Variants in POLN observed in about 807,000 individuals in gnomAD.
POLN encodes DNA polymerase N.
In POLN, 108 loss-of-function variants were observed where a neutral mutation model predicts 113.5. That is an observed-to-expected ratio of 0.95 (90% confidence interval 0.81 to 1.12). The LOEUF is 1.12. Among genes scored for constraint, POLN ranks in the 50% most tolerant of loss-of-function variants. POLN has a pLI of 0.00. For synonymous variants in POLN, 386 were observed against 391.5 expected (o/e 0.99, Z 0.17); for missense variants, 1,097 against 1,077.1 (o/e 1.02, Z -0.26).
chr4:2,162,633 T>G (rs1732628529), intron 13 of POLN, among the ~76,000 whole-genome samples: 1 of 152,110 alleles, frequency 6.6e-6, no homozygotes, highest in South Asian at 2.1e-4. Context: ...ATTTTTTTGT[T>G]TTTTGTAGGG....
At chr4:2,238,704 T>G (rs1489514800) in intron 2 of POLN, 2 of 1,613,308 alleles carry the variant, frequency 1.2e-6, no homozygotes, top group African/African-American at 2.7e-5. Flanking sequence ...TAGAGCATCA[T>G]GTTACTTTGA....
intron 3 of POLN, among the ~76,000 whole-genome samples, chr4:2,219,740 T>C (rs1475569873): frequency 6.6e-6 from 1 of 152,126 alleles, no homozygotes; most frequent in Non-Finnish European, 1.5e-5. Flanking sequence ...CATGTCCACC[T>C]CTCCTGGCTT....
At position 2,193,231 on chromosome 4, in the gene POLN, AAAAC is replaced by A; in HGVS notation, c.990_993del (p.Gln330HisfsTer15). The A allele has an allele frequency of 6.2e-7, 1 of 1,608,668 alleles. No homozygotes were observed. The highest frequency in any genetic ancestry group is 8.5e-7 in the Non-Finnish European group (1 of 1,177,444). On this transcript the variant is annotated frameshift_variant, in exon 7 of 26. Coordinates refer to ENST00000511885, the MANE Select transcript of POLN (RefSeq NM_181808.4). LOFTEE classifies it high-confidence loss of function. ...TGCTTCCAACTGCCATCATTGCCAA[AAAAC>A]TGCAGCACTATTCTCACAAAATCCT...
Position 2,081,059 on chromosome 4 carries a change from T to C in POLN, c.2309-23A>G, listed in dbSNP as rs772237411. On this transcript the variant is annotated intron_variant, in intron 22 of 25. Transcript: ENST00000511885. ...AGCCTATGGGGCGCGTGGTACTGTC[T>C]TGAGGTCCCATGGCACACGGTTCAT... The C allele has an allele frequency of 3.3e-5, 53 of 1,613,314 alleles. 3 individuals carry two copies. The South Asian group carries it at 5.4e-4, about 16-fold the overall frequency.
Position 2,213,145 on chromosome 4 carries a change from A to G in POLN, c.134-19T>C. Reference sequence around the variant, plus strand: ...TCCATAGCTTTTAAAAACAACAAAAAAGAAACATGGGGCATTAAAGAAACA... The same window carrying G: ...TCCATAGCTTTTAAAAACAACAAAAGAGAAACATGGGGCATTAAAGAAACA... On this transcript the variant is annotated intron_variant, in intron 3 of 25. Transcript: ENST00000511885. 1 of 1,529,224 alleles carries G rather than the reference A, an allele frequency of 6.5e-7. No individual in the cohort carries two copies. The highest frequency in any genetic ancestry group is 8.9e-7 in the Non-Finnish European group (1 of 1,118,664). The allele number at this position is 1,529,224 out of a possible 1,614,324, so 94.7% of individuals were successfully genotyped here. A position where few individuals can be genotyped will look rare whatever the true frequency, so the allele number is the denominator to read the frequency against.
At chr4:2,241,491 C>T in intron 2 of POLN, 29 bp downstream of exon 2, 5 of 985,764 alleles carry the variant, frequency 5.1e-6, no homozygotes, top group Non-Finnish European at 6.0e-6. Flanking sequence ...AAGCATGGCA[C>T]ATCTTCTGAA....
At chr4:2,116,147 C>T (rs939804880) in intron 19 of POLN, among the ~76,000 whole-genome samples, 1 of 152,192 alleles carries the variant, frequency 6.6e-6, no homozygotes, top group African/African-American at 2.4e-5. Context: ...GCTCTCCTAC[C>T]CTGCCCCCAG....
chr4:2,085,010 T>C (rs1730515253), intron 21 of POLN, among the ~76,000 whole-genome samples: 1 of 152,264 alleles, frequency 6.6e-6, no homozygotes, highest in Non-Finnish European at 1.5e-5. Flanking sequence ...CCTTTACTTC[T>C]AAGTGAGGCG....
intron 16 of POLN, among the ~76,000 whole-genome samples, chr4:2,144,068 G>C (rs1016844047): frequency 3.3e-5 from 5 of 150,170 alleles, no homozygotes; most frequent in Non-Finnish European, 7.4e-5. Flanking sequence ...ATATGATTTT[G>C]AACAACCAAT....
chr4:2,233,982 T>C (rs922267346), intron 2 of POLN, among the ~76,000 whole-genome samples: 2 of 151,928 alleles, frequency 1.3e-5, no homozygotes, highest in African/African-American at 4.8e-5. Context: ...CAAGAATGTA[T>C]CCAGATGAAA....
chr4:2,081,205 G>A (rs1577679548), intron 22 of POLN, 169 bp from the exon 23 acceptor site: 1 of 1,566,582 alleles, frequency 6.4e-7, no homozygotes, highest in East Asian at 2.3e-5. Flanking sequence ...CTTCGTCCTT[G>A]CTCCTCCCGC....
In POLN at chr4:2,126,750, G is replaced by A. The variant is rs1043852140; in HGVS notation, c.1982+1363C>T. 3.3e-5 allele frequency among the ~76,000 whole-genome samples: 5 copies of A among 152,016 alleles called. No homozygotes were observed. Among genetic ancestry groups the A allele is most frequent in the African/African-American group, 4.8e-5 (2 of 41,370 alleles). On this transcript the variant is annotated intron_variant, in intron 19 of 25. Transcript: ENST00000511885. The surrounding 1 kb of genome is among the most constrained non-coding windows in gnomAD (Gnocchi z 4.6). ...AGGGGAGGGAGACACACGGACATTC[G>A]GGGAAAGAGCTTCCTGAGCCCCAGG...
chr4:2,203,065 T>C (rs1442276834), intron 5 of POLN, among the ~76,000 whole-genome samples: 1 of 152,198 alleles, frequency 6.6e-6, no homozygotes, highest in Admixed American at 6.5e-5. Flanking sequence ...CATCAGTGCA[T>C]GGAACTTTCT....
chr4:2,100,215 G>C (rs114654316), intron 19 of POLN, among the ~76,000 whole-genome samples: 3,912 of 152,174 alleles, frequency 0.026, 59 homozygotes, highest in Non-Finnish European at 0.041. Context: ...TAAGTCTAGT[G>C]GGCTTATGGA....
intron 19 of POLN, among the ~76,000 whole-genome samples, chr4:2,118,378 T>G (rs927836142): frequency 2.6e-5 from 4 of 152,180 alleles, no homozygotes; most frequent in African/African-American, 9.7e-5. Context: ...TGTGCAAGAC[T>G]CCAACTTTCA....
intron 19 of POLN, among the ~76,000 whole-genome samples, chr4:2,123,284 A>G (rs1015431002): frequency 6.6e-6 from 1 of 151,850 alleles, no homozygotes; most frequent in Non-Finnish European, 1.5e-5. Flanking sequence ...GTAATCAGGA[A>G]TTTGAGACCA....
intron 13 of POLN, among the ~76,000 whole-genome samples, chr4:2,168,284 G>A (rs576949178): frequency 1.6e-4 from 25 of 152,202 alleles, no homozygotes; most frequent in Non-Finnish European, 3.1e-4. Flanking sequence ...AAAGGGCAGG[G>A]AGGGGACAGG....
chr4:2,207,338 A>G (rs955501656), intron 5 of POLN, among the ~76,000 whole-genome samples: 3 of 145,632 alleles, frequency 2.1e-5, no homozygotes, highest in Non-Finnish European at 4.4e-5. Flanking sequence ...AGTAGAGGAA[A>G]GGAAAGGAAA....
intron 11 of POLN, among the ~76,000 whole-genome samples, chr4:2,172,708 G>A (rs558733635): frequency 4.5e-4 from 69 of 152,298 alleles, no homozygotes; most frequent in South Asian, 1.7e-3. Context: ...GCAAGAATGG[G>A]ATCCCGTATG....
Sources: gnomAD v4.1 joint callset for allele counts (sites outside exome capture counted in the v4.1 genomes callset) on GRCh38, gnomAD v4.1.1 for gene constraint, Gnocchi (gnomAD v3.1) non-coding constraint, MANE v1.5 for transcripts, NCBI Gene and HGNC (gene_info 2026-07-23, HGNC 2026-07-21) for gene names.